Variants in FAM133B observed in about 807,000 individuals in gnomAD.
FAM133B encodes family with sequence similarity 133 member B.
FAM133B carries 25 observed loss-of-function variants against 46.4 expected under a neutral mutation model. The ratio of observed to expected loss-of-function variants is 0.54; its 90% confidence interval spans 0.39 to 0.75. The LOEUF is 0.75. Among genes scored for constraint, FAM133B ranks in the 30% least tolerant of loss-of-function variants. The pLI is 0.00. For missense variants in FAM133B, 205 were observed against 277.6 expected (o/e 0.74, Z 1.86); for synonymous variants, 75 against 86.0 (o/e 0.87, Z 0.71).
chr7:92,582,304 T>TAACATAA (rs536820250), intron 1 of FAM133B, among the ~76,000 whole-genome samples: 2,380 of 143,668 alleles, frequency 0.017, 20 homozygotes, highest in Middle Eastern at 0.066. Flanking sequence ...ATAACATAAA[T>TAACATAA]AACATAAAAT....
intron 10 of FAM133B, among the ~76,000 whole-genome samples, chr7:92,565,077 T>C (rs1794298465): frequency 6.6e-6 from 1 of 152,030 alleles, no homozygotes; most frequent in African/African-American, 2.4e-5. Context: ...ATAACAGAAA[T>C]CACCATACTT....
chr7:92,566,080 T>C lies in FAM133B; in HGVS notation c.610-19A>G. Reference sequence around the variant, plus strand: ...CTCGCACCTAGAAAGTTTAAATTTTTGTGGAGAACAGAAGACAAACATGTA... The same window carrying C: ...CTCGCACCTAGAAAGTTTAAATTTTCGTGGAGAACAGAAGACAAACATGTA... On this transcript the variant is annotated intron_variant, in intron 9 of 10. Coordinates refer to ENST00000445716, the MANE Select transcript of FAM133B (RefSeq NM_152789.4). 6.2e-7 allele frequency: 1 copy of C among 1,612,718 alleles called. No individual in the cohort carries two copies. Among genetic ancestry groups the C allele is most frequent in the Non-Finnish European group, 8.5e-7 (1 of 1,179,606 alleles).
chr7:92,568,729 A>C (rs1449803022), intron 9 of FAM133B, among the ~76,000 whole-genome samples: 1 of 151,896 alleles, frequency 6.6e-6, no homozygotes, highest in Non-Finnish European at 1.5e-5. Context: ...GCACATTATC[A>C]TTATTATTTT....
chr7:92,581,906 C>G (rs193158668), intron 1 of FAM133B: 1 of 251,624 alleles, frequency 4.0e-6, no homozygotes. Flanking sequence ...CTCCTAAAGC[C>G]CAGTAACCCT....
In FAM133B at chr7:92,562,246, A is replaced by G; in HGVS notation, c.*36T>C. ...CAGTTGAAATTTCCTCAGACATTGC[A>G]CTTTCTTTATAAGGGAATCCTGATT... On this transcript the variant is annotated 3_prime_UTR_variant, in exon 11 of 11. Coordinates refer to ENST00000445716, the MANE Select transcript of FAM133B (RefSeq NM_152789.4). 6.7e-7 allele frequency: 1 copy of G among 1,503,098 alleles called. No homozygotes were observed. Among genetic ancestry groups the G allele is most frequent in the Non-Finnish European group, 8.8e-7 (1 of 1,136,224 alleles). The allele number at this position is 1,503,098 out of a possible 1,614,324, so 93.1% of individuals were successfully genotyped here. A position where few individuals can be genotyped will look rare whatever the true frequency, so the allele number is the denominator to read the frequency against.
At chr7:92,580,968 G>A (rs1032167509) in intron 2 of FAM133B, among the ~76,000 whole-genome samples, 3 of 152,158 alleles carry the variant, frequency 2.0e-5, no homozygotes, top group Non-Finnish European at 4.4e-5. Context: ...GTTTTCAGGG[G>A]CACTTGGGAT....
Position 92,562,215 on chromosome 7 carries a change from T to A in FAM133B, c.*67A>T. On this transcript the variant is annotated 3_prime_UTR_variant, in exon 11 of 11. Coordinates refer to ENST00000445716, the MANE Select transcript of FAM133B (RefSeq NM_152789.4). ...ATGCATTTTAGTAAATATGTTGTAG[T>A]TTTCACAGTTGAAATTTCCTCAGAC... is the stretch of plus-strand genomic sequence containing the variant. 6.8e-7 allele frequency: 1 copy of A among 1,461,050 alleles called. No individual in the cohort carries two copies. 90.5% of individuals were successfully genotyped at this position (1,461,050 alleles called of 1,614,324 possible). A position where few individuals can be genotyped will look rare whatever the true frequency, so the allele number is the denominator to read the frequency against.
intron 9 of FAM133B, 60 bp from the exon 10 acceptor site, chr7:92,566,121 AT>A: frequency 6.6e-7 from 1 of 1,524,654 alleles, no homozygotes. Context: ...TACTCAAGGC[AT>A]TTTTCTTTCA....
intron 1 of FAM133B, among the ~76,000 whole-genome samples, chr7:92,588,817 G>C (rs546837984): frequency 6.6e-6 from 1 of 151,980 alleles, no homozygotes; most frequent in Non-Finnish European, 1.5e-5. Context: ...AACTCTCCCC[G>C]TCCCTCTCTT....
chr7:92,565,311 G>A (rs1166673370), intron 10 of FAM133B, among the ~76,000 whole-genome samples: 4 of 150,178 alleles, frequency 2.7e-5, no homozygotes, highest in Admixed American at 6.7e-5. Flanking sequence ...CACCACGCCC[G>A]GCTAATTTTT....
intron 8 of FAM133B, among the ~76,000 whole-genome samples, chr7:92,573,038 GAAAC>G (rs1340003452): frequency 1.3e-5 from 2 of 149,504 alleles, no homozygotes; most frequent in Non-Finnish European, 3.0e-5. Flanking sequence ...AAAAAAAAAA[GAAAC>G]TCAATATTCT....
chr7:92,576,311 T>A (rs1794693087), intron 7 of FAM133B, among the ~76,000 whole-genome samples: 1 of 152,210 alleles, frequency 6.6e-6, no homozygotes, highest in African/African-American at 2.4e-5. Flanking sequence ...CTTAGAATTG[T>A]GCCTAACAGA....
intron 3 of FAM133B, 61 bp from the exon 4 acceptor site, chr7:92,578,454 C>T (rs1031058697): frequency 6.5e-6 from 9 of 1,392,424 alleles, no homozygotes; most frequent in Non-Finnish European, 9.0e-6. Flanking sequence ...ACCTAATATA[C>T]AGAGACAGCC....
chr7:92,585,378 G>T, intron 1 of FAM133B: 1 of 984,660 alleles, frequency 1.0e-6, no homozygotes. Context: ...TTGGTATCAT[G>T]TCATAATTTT....
At chr7:92,575,459 C>T (rs1001154177) in intron 8 of FAM133B, among the ~76,000 whole-genome samples, 2 of 151,964 alleles carry the variant, frequency 1.3e-5, no homozygotes, top group African/African-American at 2.4e-5. Flanking sequence ...GGTGACAAAG[C>T]GAGACTCCAT....
At chr7:92,579,281 A>T (rs779850178) in intron 3 of FAM133B, 36 bp downstream of exon 3, 1 of 1,574,894 alleles carries the variant, frequency 6.3e-7, no homozygotes, top group East Asian at 2.3e-5. Context: ...AACTGGCCAA[A>T]TTAGTCTATT....
intron 1 of FAM133B, among the ~76,000 whole-genome samples, chr7:92,584,470 A>C (rs1021335447): frequency 6.6e-6 from 1 of 152,210 alleles, no homozygotes; most frequent in Non-Finnish European, 1.5e-5. Context: ...ACACATACTG[A>C]GAACTATTAC....
intron 10 of FAM133B, 105 bp downstream of exon 10, chr7:92,565,909 T>C (rs572691132): frequency 1.3e-5 from 16 of 1,214,304 alleles, no homozygotes; most frequent in African/African-American, 1.2e-4. Flanking sequence ...TCCCAACAAA[T>C]ACTTATTTGG....
At chr7:92,566,120 C>T (rs907482366) in intron 9 of FAM133B, 59 bp from the exon 10 acceptor site, 1 of 1,532,100 alleles carries the variant, frequency 6.5e-7, no homozygotes, top group Admixed American at 1.8e-5. Flanking sequence ...GTACTCAAGG[C>T]ATTTTTCTTT....
Sources: gnomAD v4.1 joint callset for allele counts (sites outside exome capture counted in the v4.1 genomes callset) on GRCh38, gnomAD v4.1.1 for gene constraint, MANE v1.5 for transcripts, NCBI Gene and HGNC (gene_info 2026-07-23, HGNC 2026-07-21) for gene names.